Variants in METTL21A observed in about 807,000 individuals in gnomAD.
METTL21A encodes methyltransferase 21A, HSPA lysine.
METTL21A carries 22 observed loss-of-function variants against 20.9 expected under a neutral mutation model. That is an observed-to-expected ratio of 1.05 (90% confidence interval 0.75 to 1.50). The LOEUF (loss-of-function observed/expected upper bound fraction) is 1.50, where lower values mean the gene tolerates loss of function less well. Ranked by LOEUF, METTL21A falls within the 40% of genes most tolerant of loss-of-function variation. The probability of loss-of-function intolerance (pLI) is 0.00; values close to 1 mark genes in which losing one functional copy is unlikely to be tolerated. For synonymous variants in METTL21A, 93 were observed against 102.0 expected (o/e 0.91, Z 0.53); for missense variants, 271 against 266.8 (o/e 1.02, Z -0.11).
At chr2:207,592,262 C>T (rs1403339796) in intron 3 of METTL21A, among the ~76,000 whole-genome samples, 2 of 151,898 alleles carry the variant, frequency 1.3e-5, no homozygotes, top group Non-Finnish European at 2.9e-5. Flanking sequence ...AAAAAATGAG[C>T]TGGGCGTGGT....
chr2:207,590,093 T>TG (rs1445391262), intron 3 of METTL21A, among the ~76,000 whole-genome samples: 3 of 141,102 alleles, frequency 2.1e-5, no homozygotes, highest in Non-Finnish European at 3.2e-5. Flanking sequence ...GTTTTTTTTT[T>TG]TTTTTTTTTT....
downstream of METTL21A, among the ~76,000 whole-genome samples, chr2:207,604,380 C>T (rs1240293169): frequency 6.6e-6 from 1 of 152,142 alleles, no homozygotes; most frequent in Non-Finnish European, 1.5e-5. Context: ...TTTTCCATCT[C>T]GTAAGTGGTG....
At chr2:207,597,221 A>G (rs769255632) in intron 3 of METTL21A, 34 of 728,784 alleles carry the variant, frequency 4.7e-5, no homozygotes, top group Non-Finnish European at 6.8e-5. Flanking sequence ...TTTTGCATTA[A>G]ACTGTGAATG....
In METTL21A at chr2:207,596,861, A is replaced by C. The variant is rs552606087; in HGVS notation, c.260-14701T>G. ...AAAGAAAAAAAAAAGGTAATCCAAA[A>C]TAAATATGTGGAAATCATTTGCATA... On this transcript the variant is annotated intron_variant, in intron 3 of 3. Transcript: ENST00000425132. The C allele has an allele frequency of 9.5e-5, 150 of 1,574,398 alleles. 2 individuals are homozygous for C. In the South Asian group the frequency reaches 1.7e-3, roughly 18 times the overall value.
downstream of METTL21A, among the ~76,000 whole-genome samples, chr2:207,606,777 TTA>T (rs1348292073): frequency 2.0e-5 from 3 of 152,164 alleles, no homozygotes; most frequent in East Asian, 5.8e-4. Context: ...CTGGGGTACA[TTA>T]TATAGTGATT....
In METTL21A at chr2:207,602,211, T is replaced by A. The variant is rs940769674; in HGVS notation, c.259+19595A>T. 3.3e-4 allele frequency: 61 copies of A among 186,664 alleles called. 1 individual carries two copies. The highest frequency in any genetic ancestry group is 2.7e-3 in the Admixed American group (43 of 16,116). 11.6% of individuals were successfully genotyped at this position (186,664 alleles called of 1,614,324 possible). A position where few individuals can be genotyped will look rare whatever the true frequency, so the allele number is the denominator to read the frequency against. On this transcript the variant is annotated intron_variant, in intron 3 of 3. Coordinates refer to the METTL21A transcript ENST00000425132. ...GGATTATATTTCAGGTGTTTTAGCT[T>A]GAAATTTATTTTTTAAAAAAAGAAA...
exon 4 of METTL21A, chr2:207,613,232 C>T (rs2709416): frequency 0.84 from 1,347,878 of 1,613,414 alleles, 564,808 homozygotes; most frequent in East Asian, 1. Flanking sequence ...GTTCCAGTGT[C>T]TGAAGAAGAT....
Position 207,613,461 on chromosome 2 carries a change from G to A in METTL21A, c.260-18C>T, listed in dbSNP as rs1432425240. On this transcript the variant is annotated intron_variant, in intron 3 of 3. Transcript: ENST00000406927. ...ATGAGCACCTACAATGTGGAACAAA[G>A]AAAAAGTGATGTGTACATCAGTACA... is the stretch of plus-strand genomic sequence containing the variant. 4 of 1,550,868 alleles carry A rather than the reference G, an allele frequency of 2.6e-6. No homozygotes were observed. The Admixed American group carries it at 6.0e-5, about 23-fold the overall frequency.
intron 3 of METTL21A, among the ~76,000 whole-genome samples, chr2:207,588,986 AT>A (rs1281074134): frequency 6.6e-6 from 1 of 151,468 alleles, no homozygotes; most frequent in African/African-American, 2.4e-5. Flanking sequence ...ATGCCTTTTA[AT>A]TTTTTTTCCT....
chr2:207,623,887 T>C (rs1229836785), intron 2 of METTL21A, among the ~76,000 whole-genome samples: 2 of 152,032 alleles, frequency 1.3e-5, no homozygotes, highest in East Asian at 1.9e-4. Context: ...TCCAAAGCAG[T>C]TGGGGGCTTT....
intron 3 of METTL21A, chr2:207,602,384 AT>A: frequency 4.9e-6 from 1 of 202,424 alleles, no homozygotes; most frequent in Admixed American, 6.0e-5. Flanking sequence ...GACATGATAC[AT>A]TTTTAATTAT....
At chr2:207,621,169 A>G (rs148498968) in intron 3 of METTL21A, among the ~76,000 whole-genome samples, 1 of 152,372 alleles carries the variant, frequency 6.6e-6, no homozygotes, top group Non-Finnish European at 1.5e-5. Context: ...AAATGAGTCA[A>G]TAGTCAATAA....
At chr2:207,613,864 G>A (rs954863684) in intron 3 of METTL21A, among the ~76,000 whole-genome samples, 3 of 152,132 alleles carry the variant, frequency 2.0e-5, no homozygotes, top group Admixed American at 1.3e-4. Context: ...CCAGCTACTC[G>A]GGAGGCTGAG....
intron 3 of METTL21A, chr2:207,620,696 T>C: frequency 1.3e-6 from 2 of 1,533,638 alleles, no homozygotes; most frequent in Non-Finnish European, 1.7e-6. Flanking sequence ...ACTTAAGTGC[T>C]GTGGTTGAAG....
At position 207,624,358 on chromosome 2, in the gene METTL21A, A is replaced by C. The variant is rs910021782; in HGVS notation, c.18T>G (p.Tyr6Ter). Residue 6 changes from tyrosine (Y) to a stop codon, truncating the protein, a stop_gained, in exon 2 of 4, where the codon TAT (tyrosine) becomes TAG (stop). Coordinates refer to ENST00000406927, the Ensembl canonical transcript of METTL21A. LOFTEE classifies it high-confidence loss of function. ...GCAACCCAAATTCCGTGGTCTCCTC[A>C]TAGGGCACGAGGGCCATTCCGCCTG... 2 of 1,613,544 alleles carry C rather than the reference A, an allele frequency of 1.2e-6. No homozygotes were observed. Among genetic ancestry groups the C allele is most frequent in the African/African-American group, 2.7e-5 (2 of 74,884 alleles).
rs530068453 is a variant in METTL21A, at chr2:207,597,273, A to T, written c.260-15113T>A. 11 of 460,732 alleles carry T rather than the reference A, an allele frequency of 2.4e-5. No individual in the cohort carries two copies. In the East Asian group the frequency reaches 4.1e-4, roughly 17 times the overall value. The allele number at this position is 460,732 out of a possible 1,614,324, so 28.5% of individuals were successfully genotyped here. On this transcript the variant is annotated intron_variant, in intron 3 of 3. Coordinates refer to the METTL21A transcript ENST00000425132. ...CACTTCTCCCCTCAAGAAATTTTCAACGCCAGGAATCATGAAGAGACTTCT... is the reference window on the plus strand; with the variant it reads ...CACTTCTCCCCTCAAGAAATTTTCATCGCCAGGAATCATGAAGAGACTTCT...
At chr2:207,586,346 T>C (rs1048276285) in intron 3 of METTL21A, among the ~76,000 whole-genome samples, 41 of 152,228 alleles carry the variant, frequency 2.7e-4, no homozygotes, top group African/African-American at 9.6e-4. Context: ...ATCAATGGTA[T>C]TGGGAAACCT....
chr2:207,620,708 C>T lies in METTL21A; in HGVS notation c.259+1098G>A, dbSNP rs778470680. On this transcript the variant is annotated intron_variant, in intron 3 of 3. Coordinates refer to ENST00000406927, the Ensembl canonical transcript of METTL21A. Reference sequence around the variant, plus strand: ...ATGACTTAAGTGCTGTGGTTGAAGACGGACGGAAACCTCTGTCAATTTACA... The same window carrying T: ...ATGACTTAAGTGCTGTGGTTGAAGATGGACGGAAACCTCTGTCAATTTACA... 56 of 1,531,716 alleles carry T rather than the reference C, an allele frequency of 3.7e-5. 1 individual carries two copies. The highest frequency in any genetic ancestry group is 2.4e-4 in the South Asian group (20 of 83,436). The allele number at this position is 1,531,716 out of a possible 1,614,324, so 94.9% of individuals were successfully genotyped here.
At chr2:207,612,877 A>G in exon 4 of METTL21A, 1 of 600,564 alleles carries the variant, frequency 1.7e-6, no homozygotes, top group Non-Finnish European at 2.7e-6. Context: ...AATCACAGCA[A>G]TGGGACAAAG....
Sources: gnomAD v4.1 joint callset for allele counts (sites outside exome capture counted in the v4.1 genomes callset) on GRCh38, gnomAD v4.1.1 for gene constraint, MANE v1.5 for transcripts, NCBI Gene and HGNC (gene_info 2026-07-23, HGNC 2026-07-21) for gene names.